The following BRD10 variants were observed in gnomAD, a reference collection of about 807,000 sequenced individuals.
BRD10 encodes uncharacterized bromodomain-containing protein 10.
the BRD10 span, among the ~76,000 whole-genome samples, chr9:5,956,930 T>C: frequency 6.6e-6 from 1 of 152,074 alleles, no homozygotes; most frequent in African/African-American, 2.4e-5. Context: ...AATACAAGAA[T>C]CCTACTTTTT....
the BRD10 span, among the ~76,000 whole-genome samples, chr9:5,911,405 G>GTGT: frequency 8.7e-5 from 9 of 103,586 alleles, no homozygotes; most frequent in East Asian, 3.3e-4. Flanking sequence ...GTCTATGTGT[G>GTGT]TTTTTTTTTT....
chr9:6,002,965 G>A, the BRD10 span, among the ~76,000 whole-genome samples: 6 of 152,154 alleles, frequency 3.9e-5, no homozygotes, highest in African/African-American at 7.2e-5. Context: ...GATTACAGGC[G>A]TGAGCTGCCA....
At chr9:5,958,372 T>C in the BRD10 span, among the ~76,000 whole-genome samples, 48 of 152,306 alleles carry the variant, frequency 3.2e-4, no homozygotes, top group African/African-American at 1.2e-3. Context: ...ATCATCCCCC[T>C]TTCAGTTCCC....
the BRD10 span, chr9:5,921,604 T>C: frequency 6.2e-7 from 1 of 1,613,988 alleles, no homozygotes; most frequent in South Asian, 1.1e-5. Context: ...TCCCACTGAT[T>C]ACATCTCCAT....
chr9:5,995,842 T>C, the BRD10 span, among the ~76,000 whole-genome samples: 4 of 152,184 alleles, frequency 2.6e-5, no homozygotes, highest in Non-Finnish European at 4.4e-5. Flanking sequence ...GCCACAGGGA[T>C]TTAGCAAAGA....
the BRD10 span, among the ~76,000 whole-genome samples, chr9:5,886,180 G>A: frequency 6.6e-6 from 1 of 152,198 alleles, no homozygotes; most frequent in Admixed American, 6.5e-5. Flanking sequence ...CCCCAAGCAG[G>A]ATGAGTCAAG....
chr9:5,950,080 G>T, the BRD10 span, among the ~76,000 whole-genome samples: 2 of 152,056 alleles, frequency 1.3e-5, no homozygotes, highest in East Asian at 1.9e-4. Flanking sequence ...AGGGATAAAC[G>T]TAAGTTTTCA....
At chr9:5,894,451 G>A in the BRD10 span, among the ~76,000 whole-genome samples, 1 of 152,304 alleles carries the variant, frequency 6.6e-6, no homozygotes. This position sits in a 1 kb window ranked among gnomAD's most constrained non-coding sequence, Gnocchi z 4.0. Context: ...CAAACGGAAG[G>A]GTGAGGCCAT....
chr9:5,932,477 T>A, the BRD10 span, among the ~76,000 whole-genome samples: 13 of 152,190 alleles, frequency 8.5e-5, no homozygotes, highest in African/African-American at 3.1e-4. Flanking sequence ...TTCTTTCTTG[T>A]CATTATTCCC....
the BRD10 span, among the ~76,000 whole-genome samples, chr9:5,917,060 G>C: frequency 6.6e-6 from 1 of 152,124 alleles, no homozygotes; most frequent in Non-Finnish European, 1.5e-5. Context: ...TTAAATAAGA[G>C]GTTATCTAGA....
the BRD10 span, among the ~76,000 whole-genome samples, chr9:5,880,819 G>A: frequency 6.6e-6 from 1 of 151,256 alleles, no homozygotes; most frequent in African/African-American, 2.4e-5. Flanking sequence ...ATTCTCCTGC[G>A]TCAGCCTCCT....
chr9:5,940,840 A>C, the BRD10 span, among the ~76,000 whole-genome samples: 183 of 152,318 alleles, frequency 1.2e-3, 2 homozygotes, highest in African/African-American at 4.3e-3. Context: ...ATCTTACTCA[A>C]TGTTGAGGGG....
the BRD10 span, chr9:5,923,429 G>C: frequency 1.4e-6 from 1 of 733,788 alleles, no homozygotes; most frequent in East Asian, 2.7e-5. Context: ...ATCTACTGCA[G>C]GGTGATTCAA....
the BRD10 span, among the ~76,000 whole-genome samples, chr9:5,941,108 G>A: frequency 6.6e-6 from 1 of 152,032 alleles, no homozygotes; most frequent in Non-Finnish European, 1.5e-5. Context: ...ACAAATATGA[G>A]GGAAAAGGGG....
chr9:5,910,988 G>A, the BRD10 span, among the ~76,000 whole-genome samples: 1 of 152,022 alleles, frequency 6.6e-6, no homozygotes. Context: ...CCCATTCATG[G>A]GTTGTCTCTT....
chr9:5,975,498 G>T, the BRD10 span, among the ~76,000 whole-genome samples: 61 of 136,168 alleles, frequency 4.5e-4, no homozygotes, highest in Admixed American at 1.4e-3. Context: ...AGTAGTTATT[G>T]AAACTATATT....
the BRD10 span, among the ~76,000 whole-genome samples, chr9:5,945,894 A>G: frequency 6.6e-6 from 1 of 152,072 alleles, no homozygotes; most frequent in Non-Finnish European, 1.5e-5. Flanking sequence ...TGTTTATACC[A>G]TGTGATAATT....
At chr9:5,960,555 T>C in the BRD10 span, among the ~76,000 whole-genome samples, 3 of 117,880 alleles carry the variant, frequency 2.5e-5, no homozygotes, top group Admixed American at 2.6e-4. Context: ...AGAGTGAGAC[T>C]CTGTCTCAAA....
At chr9:5,981,604 T>A in the BRD10 span, among the ~76,000 whole-genome samples, 1 of 152,144 alleles carries the variant, frequency 6.6e-6, no homozygotes. Context: ...AATTAATCTA[T>A]CTATCCATGT....
Sources: gnomAD v4.1 joint callset for allele counts (sites outside exome capture counted in the v4.1 genomes callset) on GRCh38, gnomAD v4.1.1 for gene constraint, Gnocchi (gnomAD v3.1) non-coding constraint, MANE v1.5 for transcripts, NCBI Gene and HGNC (gene_info 2026-07-23, HGNC 2026-07-21) for gene names.